CCBE1: variants seen among roughly 807,000 people sequenced by gnomAD.
CCBE1 encodes the protein collagen and calcium-binding EGF domain-containing protein 1.
CCBE1 carries 37 observed loss-of-function variants against 50.0 expected under a neutral mutation model. The ratio of observed to expected loss-of-function variants is 0.74; its 90% CI spans 0.57 to 0.97. CCBE1 has a LOEUF of 0.97. Ranked by LOEUF, CCBE1 falls within the 50% of genes least tolerant of loss-of-function variation. The pLI is 0.00. For missense variants in CCBE1, 538 were observed against 523.8 expected (o/e 1.03, Z -0.26); for synonymous variants, 234 against 203.7 (o/e 1.15, Z -1.27).
chr18:59,581,642 C>T (rs1195358585), intron 2 of CCBE1, among the ~76,000 whole-genome samples: 2 of 152,128 alleles, frequency 1.3e-5, no homozygotes, highest in African/African-American at 4.8e-5. Flanking sequence ...AGGGGGCTTT[C>T]TGGTTTCTCC....
intron 2 of CCBE1, among the ~76,000 whole-genome samples, chr18:59,503,953 C>T (rs1460561614): frequency 3.3e-5 from 5 of 152,180 alleles, no homozygotes; most frequent in Non-Finnish European, 2.9e-5. Flanking sequence ...CATTTGTTTA[C>T]GTGTTTGTCT....
intron 2 of CCBE1, among the ~76,000 whole-genome samples, chr18:59,591,812 G>A (rs1168618788): frequency 1.3e-5 from 2 of 152,156 alleles, no homozygotes; most frequent in African/African-American, 2.4e-5. Context: ...TTAGGTATTC[G>A]TGCTTCAGAT....
intron 3 of CCBE1, among the ~76,000 whole-genome samples, chr18:59,473,985 T>C (rs897802550): frequency 1.1e-4 from 16 of 152,226 alleles, no homozygotes; most frequent in Non-Finnish European, 1.5e-5. Context: ...GAACATGTGG[T>C]ACTTGTGTTT....
chr18:59,587,924 C>A (rs769607311), intron 2 of CCBE1, among the ~76,000 whole-genome samples: 3 of 151,986 alleles, frequency 2.0e-5, no homozygotes, highest in Non-Finnish European at 4.4e-5. Context: ...AAGGAGCCAG[C>A]AATAAGTTGG....
At chr18:59,520,894 C>T (rs1357588141) in intron 2 of CCBE1, among the ~76,000 whole-genome samples, 1 of 152,230 alleles carries the variant, frequency 6.6e-6, no homozygotes, top group Non-Finnish European at 1.5e-5. Flanking sequence ...CTACCTGCAG[C>T]AGTGGATGTA....
chr18:59,586,592 C>T (rs538229189), intron 2 of CCBE1, among the ~76,000 whole-genome samples: 10 of 152,268 alleles, frequency 6.6e-5, no homozygotes, highest in Admixed American at 2.0e-4. Context: ...TACTCTCCTA[C>T]GGCCAAGGAG....
intron 2 of CCBE1, among the ~76,000 whole-genome samples, chr18:59,668,910 C>T (rs1465021700): frequency 4.7e-5 from 7 of 149,482 alleles, no homozygotes; most frequent in Non-Finnish European, 8.9e-5. Flanking sequence ...CTGCAACCTC[C>T]ACCTCCCAGA....
chr18:59,507,474 A>G (rs576736802), intron 2 of CCBE1, among the ~76,000 whole-genome samples: 23 of 152,318 alleles, frequency 1.5e-4, no homozygotes, highest in African/African-American at 5.3e-4. Flanking sequence ...ACATTGTTCA[A>G]TGATTCCTTC....
intron 2 of CCBE1, among the ~76,000 whole-genome samples, chr18:59,623,461 T>A (rs1480500766): frequency 3.3e-5 from 5 of 152,218 alleles, no homozygotes; most frequent in Non-Finnish European, 7.3e-5. Context: ...CAGCTTCTTT[T>A]CGAACCCACC....
intron 2 of CCBE1, among the ~76,000 whole-genome samples, chr18:59,565,674 T>C (rs1250967114): frequency 6.6e-6 from 1 of 152,086 alleles, no homozygotes; most frequent in African/African-American, 2.4e-5. Flanking sequence ...AAACTAAGCA[T>C]AGGGCCCTTT....
chr18:59,478,479 A>G (rs918536457), intron 3 of CCBE1, among the ~76,000 whole-genome samples: 13 of 152,248 alleles, frequency 8.5e-5, no homozygotes, highest in African/African-American at 3.1e-4. Flanking sequence ...GTTCTAGCAA[A>G]AAGCAACAGA....
chr18:59,487,144 C>G (rs532356500), intron 2 of CCBE1, among the ~76,000 whole-genome samples: 1 of 148,502 alleles, frequency 6.7e-6, no homozygotes, highest in South Asian at 2.2e-4. Flanking sequence ...GTGGCTTCCT[C>G]GCACTGTCAA....
chr18:59,566,194 C>T (rs2052823913), intron 2 of CCBE1, among the ~76,000 whole-genome samples: 1 of 152,244 alleles, frequency 6.6e-6, no homozygotes, highest in Admixed American at 6.5e-5. Flanking sequence ...CATTCTACCA[C>T]AGTATCATTT....
chr18:59,483,954 C>T (rs1912695951), intron 2 of CCBE1, among the ~76,000 whole-genome samples: 1 of 152,136 alleles, frequency 6.6e-6, no homozygotes, highest in Admixed American at 6.6e-5. Context: ...TGATGTGTGG[C>T]AGTGTCCAGA....
intron 2 of CCBE1, among the ~76,000 whole-genome samples, chr18:59,616,674 C>T (rs1462016596): frequency 1.3e-5 from 2 of 152,156 alleles, no homozygotes; most frequent in East Asian, 3.8e-4. Flanking sequence ...AAGTTCGGTA[C>T]ACAAAAGAGT....
At chr18:59,666,709 G>A (rs1220187185) in intron 2 of CCBE1, among the ~76,000 whole-genome samples, 3 of 152,172 alleles carry the variant, frequency 2.0e-5, no homozygotes, top group South Asian at 2.1e-4. Flanking sequence ...GCTCATGCCT[G>A]TAATCCCAGA....
chr18:59,596,521 C>T (rs906177475), intron 2 of CCBE1, among the ~76,000 whole-genome samples: 1 of 152,136 alleles, frequency 6.6e-6, no homozygotes, highest in Non-Finnish European at 1.5e-5. Context: ...TTGGTCTTGG[C>T]TATGATATAC....
chr18:59,600,107 A>G (rs1599050373), intron 2 of CCBE1, among the ~76,000 whole-genome samples: 1 of 152,132 alleles, frequency 6.6e-6, no homozygotes, highest in African/African-American at 2.4e-5. Flanking sequence ...CCTTTAAATC[A>G]GGGGTCCCCA....
chr18:59,690,220 C>T (rs2054711278), intron 2 of CCBE1, among the ~76,000 whole-genome samples: 1 of 152,114 alleles, frequency 6.6e-6, no homozygotes, highest in Admixed American at 6.5e-5. Context: ...GTAAATGAAG[C>T]TTGTTCATAA....
Sources: gnomAD v4.1 joint callset for allele counts (sites outside exome capture counted in the v4.1 genomes callset) on GRCh38, gnomAD v4.1.1 for gene constraint, MANE v1.5 for transcripts, NCBI Gene and HGNC (gene_info 2026-07-23, HGNC 2026-07-21) for gene names.